Variants in SYCP2L observed in about 807,000 individuals in gnomAD.
The protein encoded by SYCP2L is synaptonemal complex protein 2-like.
In SYCP2L, 98 loss-of-function variants were observed where a neutral mutation model predicts 125.8. That is an observed-to-expected ratio of 0.78 (90% CI 0.66 to 0.92). The LOEUF (loss-of-function observed/expected upper bound fraction) is 0.92, where lower values mean the gene tolerates loss of function less well. Ranked by LOEUF, SYCP2L falls within the 40% of genes least tolerant of loss-of-function variation. The probability of loss-of-function intolerance (pLI) is 0.00; values close to 1 mark genes in which losing one functional copy is unlikely to be tolerated. For synonymous variants in SYCP2L, 317 were observed against 325.4 expected, an observed-to-expected ratio of 0.97 and a Z score of 0.28; for missense variants, 842 against 936.4, an observed-to-expected ratio of 0.90 and a Z score of 1.32.
Position 10,906,037 on chromosome 6 carries a change from C to G in SYCP2L, c.659C>G (p.Thr220Arg), listed in dbSNP as rs768733116. 6.3e-7 allele frequency: 1 copy of G among 1,599,528 alleles called. No homozygotes were observed. Among genetic ancestry groups the G allele is most frequent in the Non-Finnish European group, 8.6e-7 (1 of 1,168,604 alleles). The change falls in exon 9 of 30, where the codon ACA becomes AGA. Residue 220 changes from threonine (T) to arginine (R), a missense_variant. Thr to Arg is a moderately conservative substitution (Grantham distance 71). Transcript: ENST00000283141. ...TGTTTCAGGAAAGACCTTGCAAGGA[C>G]ACTCTTGACTGTGGGTGGTAAGAAA... ...MCHLMKDLAR[T>R]LLTVGDYDQQ...
At chr6:10,890,871 G>A (rs530066797) in intron 1 of SYCP2L, among the ~76,000 whole-genome samples, 1 of 152,288 alleles carries the variant, frequency 6.6e-6, no homozygotes, top group South Asian at 2.1e-4. Flanking sequence ...GTGAGACATG[G>A]GATCTGGTTT....
chr6:10,956,399 G>T (rs1035728038), intron 25 of SYCP2L, among the ~76,000 whole-genome samples, 157 bp downstream of exon 25: 1 of 152,150 alleles, frequency 6.6e-6, no homozygotes, highest in South Asian at 2.1e-4. Flanking sequence ...GTTACCAGGG[G>T]TCAGGGTTAG....
intron 15 of SYCP2L, among the ~76,000 whole-genome samples, chr6:10,925,768 C>A (rs186663910): frequency 6.6e-6 from 1 of 152,254 alleles, no homozygotes; most frequent in East Asian, 1.9e-4. Context: ...AAGGGGAAAT[C>A]AGTCACTTGG....
chr6:10,935,187 G>T lies in SYCP2L; in HGVS notation c.1813G>T (p.Glu605Ter). ...LTAEDSAQKTELQDPHSLSEL... is the reference protein window; with the variant it reads ...LTAEDSAQKT ...TGCTGAAGATTCTGCCCAGAAAACA[G>T]GTACATGATTTTCTGTTGACTTACA... Residue 605 changes from glutamate (E) to a stop codon, truncating the protein, a stop_gained and splice_region_variant, in exon 21 of 30, where the codon GAG becomes TAG. Transcript: ENST00000283141. LOFTEE classifies it high-confidence loss of function. 1 of 1,609,866 alleles carries T rather than the reference G, an allele frequency of 6.2e-7. No individual in the cohort carries two copies. The highest frequency in any genetic ancestry group is 8.5e-7 in the Non-Finnish European group (1 of 1,178,880).
At chr6:10,888,494 C>A (rs1037090275) in intron 1 of SYCP2L, among the ~76,000 whole-genome samples, 18 of 152,080 alleles carry the variant, frequency 1.2e-4, no homozygotes, top group Non-Finnish European at 2.5e-4. Flanking sequence ...CAGGTTCCTA[C>A]CCACAAAAGC....
At chr6:10,923,619 C>T (rs1767776) in intron 14 of SYCP2L, among the ~76,000 whole-genome samples, 4 of 150,288 alleles carry the variant, frequency 2.7e-5, no homozygotes, top group African/African-American at 7.4e-5. Context: ...CTCCTGACTT[C>T]GTGATGCACC....
At chr6:10,963,474 C>T (rs1201105032) in intron 28 of SYCP2L, 1 of 317,214 alleles carries the variant, frequency 3.2e-6, no homozygotes, top group South Asian at 3.5e-5. Context: ...AAAAGAATAT[C>T]CCTCAGACTG....
At chr6:10,961,018 C>T (rs1418700620) in intron 26 of SYCP2L, among the ~76,000 whole-genome samples, 2 of 149,002 alleles carry the variant, frequency 1.3e-5, no homozygotes, top group African/African-American at 5.0e-5. Context: ...GTGGAGGTTG[C>T]AATGAGCTGA....
At chr6:10,887,157 C>G in intron 1 of SYCP2L, 22 bp downstream of exon 1, 3 of 1,614,046 alleles carry the variant, frequency 1.9e-6, no homozygotes, top group Non-Finnish European at 2.5e-6. Flanking sequence ...CCGAAGGGCC[C>G]GGACCTTCTG....
intron 29 of SYCP2L, among the ~76,000 whole-genome samples, chr6:10,969,591 C>T (rs896448607): frequency 1.3e-5 from 2 of 151,928 alleles, no homozygotes; most frequent in African/African-American, 4.8e-5. Context: ...GTCTCGATCT[C>T]CTGACCTCGT....
chr6:10,902,595 A>C (rs909119313), intron 6 of SYCP2L, 82 bp from the exon 7 acceptor site: 7 of 1,134,678 alleles, frequency 6.2e-6, no homozygotes, highest in Non-Finnish European at 7.7e-6. Context: ...CGACATCCTT[A>C]GTGAAAAGCT....
At chr6:10,972,898 A>G (rs1213970689) in intron 29 of SYCP2L, among the ~76,000 whole-genome samples, 1 of 152,162 alleles carries the variant, frequency 6.6e-6, no homozygotes, top group African/African-American at 2.4e-5. Context: ...TGTCTGCATC[A>G]TAGTGGCCAG....
chr6:10,947,248 A>C (rs1289236303), intron 23 of SYCP2L, among the ~76,000 whole-genome samples: 2 of 151,832 alleles, frequency 1.3e-5, no homozygotes, highest in Non-Finnish European at 2.9e-5. Flanking sequence ...CCTCTTTTTC[A>C]AAGTTGACTT....
At position 10,942,689 on chromosome 6, in the gene SYCP2L, G is replaced by C; in HGVS notation, c.1897G>C (p.Glu633Gln). 2 of 1,612,834 alleles carry C rather than the reference G, an allele frequency of 1.2e-6. No individual in the cohort carries two copies. Among genetic ancestry groups the C allele is most frequent in the Non-Finnish European group, 1.7e-6 (2 of 1,179,736 alleles). ...DEEKPKIVNQ[E>Q]SLTESTSLKH... ...TTTTGTTTTTAAGATTGTGAACCAAGAATCACTAACAGAAAGTACTAGCTT... is the reference window on the plus strand; with the variant it reads ...TTTTGTTTTTAAGATTGTGAACCAACAATCACTAACAGAAAGTACTAGCTT... The change falls in exon 23 of 30, where the codon GAA (glutamate) becomes CAA (glutamine). Residue 633 changes from glutamate (E) to glutamine (Q), a missense_variant. Physicochemically the swap from Glu to Gln is conservative, Grantham distance 29. Transcript: ENST00000283141.
chr6:10,929,440 A>T (rs916968193), intron 18 of SYCP2L, among the ~76,000 whole-genome samples: 2 of 152,212 alleles, frequency 1.3e-5, no homozygotes, highest in African/African-American at 2.4e-5. Flanking sequence ...GAACTCAAAA[A>T]AACAAGCTCC....
chr6:10,961,634 T>C, intron 28 of SYCP2L, 76 bp downstream of exon 28: 21 of 1,444,738 alleles, frequency 1.5e-5, no homozygotes, highest in Non-Finnish European at 2.0e-5. Context: ...GAATGGGCAG[T>C]TGGTGACGGT....
At chr6:10,916,340 ATTTCT>A (rs1348066300) in intron 14 of SYCP2L, among the ~76,000 whole-genome samples, 1 of 151,878 alleles carries the variant, frequency 6.6e-6, no homozygotes, top group Non-Finnish European at 1.5e-5. Context: ...GATGTTGGTT[ATTTCT>A]TTTCTTCTAC....
In SYCP2L at chr6:10,924,614, C is replaced by T. The variant is rs773734867; in HGVS notation, c.1191C>T (p.Ser397=). ...FDLQFNISQV[S]IQALGEDKQM... The stretch of plus-strand genomic sequence containing the variant: ...TGCAGTTCAACATATCACAAGTTTC[C>T]ATTCAAGCTTTAGGAGAAGACAAAC... The change falls in exon 15 of 30, where the codon TCC becomes TCT. Residue 397 remains serine, a synonymous_variant. Transcript: ENST00000283141. 5 of 1,587,004 alleles carry T rather than the reference C, an allele frequency of 3.2e-6. No individual in the cohort carries two copies. The highest frequency in any genetic ancestry group is 4.3e-6 in the Non-Finnish European group (5 of 1,171,714).
Position 10,887,151 on chromosome 6 carries a change from A to C in SYCP2L, c.9+16A>C. 1 of 1,614,058 alleles carries C rather than the reference A, an allele frequency of 6.2e-7. No homozygotes were observed. Among genetic ancestry groups the C allele is most frequent in the Non-Finnish European group, 8.5e-7 (1 of 1,179,958 alleles). On this transcript the variant is annotated intron_variant, in intron 1 of 29. Transcript: ENST00000283141. Reference sequence around the variant, plus strand: ...TATGCAAGCGGTGAGTGACCCCCGAAGGGCCCGGACCTTCTGTCCACAGTG... The same window carrying C: ...TATGCAAGCGGTGAGTGACCCCCGACGGGCCCGGACCTTCTGTCCACAGTG...
Sources: gnomAD v4.1 joint callset for allele counts (sites outside exome capture counted in the v4.1 genomes callset) on GRCh38, gnomAD v4.1.1 for gene constraint, MANE v1.5 for transcripts, NCBI Gene and HGNC (gene_info 2026-07-23, HGNC 2026-07-21) for gene names.